Variants in MTUS2 observed in about 807,000 individuals in gnomAD.
The protein encoded by MTUS2 is microtubule-associated tumor suppressor candidate 2.
Under a neutral mutation model 114.1 loss-of-function variants are expected in MTUS2, and 40 were observed. The observed-to-expected ratio is 0.35, with a 90% CI of 0.27 to 0.46. The LOEUF is 0.46. MTUS2 is among the 20% of genes least tolerant of loss of function. The pLI, the probability that MTUS2 is intolerant of heterozygous loss-of-function variation, is 1.00. For missense variants in MTUS2, 1,679 were observed against 1,705.4 expected, an observed-to-expected ratio of 0.98 and a Z score of 0.27; for synonymous variants, 688 against 672.0, an observed-to-expected ratio of 1.02 and a Z score of -0.37.
intron 5 of MTUS2, among the ~76,000 whole-genome samples, chr13:29,111,775 T>C (rs1422110875): frequency 6.6e-6 from 1 of 152,178 alleles, no homozygotes; most frequent in Non-Finnish European, 1.5e-5. Flanking sequence ...ATATATTTTT[T>C]TTTTTGCAAG....
At chr13:29,143,385 C>T (rs762642664) in intron 5 of MTUS2, among the ~76,000 whole-genome samples, 1 of 152,112 alleles carries the variant, frequency 6.6e-6, no homozygotes, top group Non-Finnish European at 1.5e-5. Flanking sequence ...ATGTTCAGTG[C>T]TTAATACATT....
intron 5 of MTUS2, among the ~76,000 whole-genome samples, chr13:29,208,530 T>C (rs940566350): frequency 4.6e-5 from 7 of 152,118 alleles, no homozygotes; most frequent in Non-Finnish European, 1.0e-4. Flanking sequence ...GACCTCAGAC[T>C]GTCCTCTTTC....
At chr13:28,897,646 C>A (rs1327978741) in intron 2 of MTUS2, among the ~76,000 whole-genome samples, 9 of 152,054 alleles carry the variant, frequency 5.9e-5, no homozygotes, top group African/African-American at 1.2e-4. Context: ...AGACTTGGAA[C>A]CAACCCAAAT....
chr13:29,038,817 C>A lies in MTUS2; in HGVS notation c.2446+4692C>A, dbSNP rs555935628. On this transcript the variant is annotated intron_variant, in intron 4 of 15. Coordinates refer to ENST00000612955, the MANE Select transcript of MTUS2 (RefSeq NM_001033602.4). ...TGCGGTGGGCTCCGCCCAGCTCGAA[C>A]TTTCTGGTGGCTTTGTTTACACTGT... 9.8e-4 allele frequency among the ~76,000 whole-genome samples: 149 copies of A among 152,370 alleles called. 1 individual carries two copies. The highest frequency in any genetic ancestry group is 3.5e-3 in the African/African-American group (145 of 41,598).
intron 5 of MTUS2, among the ~76,000 whole-genome samples, chr13:29,147,201 G>C (rs1892473142): frequency 6.6e-6 from 1 of 151,942 alleles, no homozygotes; most frequent in Non-Finnish European, 1.5e-5. Flanking sequence ...ATATGAATGA[G>C]GTTAAATTCA....
intron 6 of MTUS2, among the ~76,000 whole-genome samples, chr13:29,282,271 T>C (rs1391236594): frequency 6.6e-6 from 1 of 152,016 alleles, no homozygotes; most frequent in East Asian, 1.9e-4. Flanking sequence ...AGTCCAGGAG[T>C]GCCATGCTCC....
intron 5 of MTUS2, among the ~76,000 whole-genome samples, chr13:29,162,497 A>G (rs1893141983): frequency 6.6e-6 from 1 of 152,168 alleles, no homozygotes; most frequent in Non-Finnish European, 1.5e-5. Context: ...ATGAATTATA[A>G]TACAATGACA....
intron 5 of MTUS2, among the ~76,000 whole-genome samples, chr13:29,193,825 A>G (rs184666454): frequency 0.025 from 3,791 of 152,154 alleles, 154 homozygotes; most frequent in African/African-American, 0.086. Context: ...GAGGCATCAC[A>G]CTACCTGACT....
At chr13:29,346,453 G>C (rs1315158302) in intron 7 of MTUS2, among the ~76,000 whole-genome samples, 4 of 151,978 alleles carry the variant, frequency 2.6e-5, no homozygotes, top group Non-Finnish European at 5.9e-5. Context: ...GGCTGCCTCT[G>C]CTGGGTCACG....
rs187042172 is a variant in MTUS2 at position 29,442,522 on chromosome 13, T to C, written c.3184+2473T>C. ...ACACTGATTTTCACTGCATACTTTT[T>C]ATCACAGCAGCAGCCAAAACCTCAG... On this transcript the variant is annotated intron_variant, in intron 9 of 15. Coordinates refer to ENST00000612955, the MANE Select transcript of MTUS2 (RefSeq NM_001033602.4). Among the ~76,000 whole-genome samples, 402 of 152,358 alleles carry C rather than the reference T, an allele frequency of 2.6e-3. 4 individuals carry two copies. Among genetic ancestry groups the C allele is most frequent in the African/African-American group, 9.2e-3 (381 of 41,580 alleles).
chr13:29,358,271 C>G (rs1480541952), intron 7 of MTUS2, among the ~76,000 whole-genome samples: 6 of 152,168 alleles, frequency 3.9e-5, no homozygotes, highest in Non-Finnish European at 5.9e-5. Flanking sequence ...ATGCACGGGT[C>G]TTGGACTGTG....
intron 2 of MTUS2, among the ~76,000 whole-genome samples, chr13:28,965,466 A>G (rs1243698947): frequency 1.3e-5 from 2 of 152,140 alleles, no homozygotes; most frequent in Non-Finnish European, 2.9e-5. Context: ...ACTGCCTGGA[A>G]GCCTCTTTGT....
chr13:29,392,146 CAA>C (rs56797889), intron 8 of MTUS2, among the ~76,000 whole-genome samples: 58,359 of 136,894 alleles, frequency 0.43, 13,272 homozygotes, highest in East Asian at 0.55. Flanking sequence ...AAAAACAAAC[CAA>C]AAAAAAAAAA....
chr13:29,390,660 A>G (rs1873367987), intron 8 of MTUS2, among the ~76,000 whole-genome samples: 1 of 150,974 alleles, frequency 6.6e-6, no homozygotes, highest in African/African-American at 2.5e-5. Flanking sequence ...TCAAAAAAAA[A>G]AAAAAGAAAG....
intron 4 of MTUS2, among the ~76,000 whole-genome samples, chr13:29,034,621 C>T (rs1179632684): frequency 3.3e-5 from 5 of 152,036 alleles, no homozygotes; most frequent in Admixed American, 3.3e-4. Flanking sequence ...ATGGAGTTGC[C>T]ACATAGAGAA....
chr13:29,017,644 A>C (rs1886122727), intron 2 of MTUS2, among the ~76,000 whole-genome samples: 1 of 152,046 alleles, frequency 6.6e-6, no homozygotes, highest in Non-Finnish European at 1.5e-5. Flanking sequence ...TCTTGGGAGG[A>C]CGTCTAACCA....
At chr13:29,269,997 A>T (rs551164686) in intron 5 of MTUS2, among the ~76,000 whole-genome samples, 1 of 152,150 alleles carries the variant, frequency 6.6e-6, no homozygotes, top group East Asian at 1.9e-4. Flanking sequence ...TGGGGTATCT[A>T]AAAAGGTCAA....
intron 13 of MTUS2, among the ~76,000 whole-genome samples, chr13:29,498,203 T>C (rs1882672878): frequency 2.0e-5 from 3 of 152,148 alleles, no homozygotes; most frequent in Admixed American, 2.0e-4. Context: ...TCTCACCTGT[T>C]CCCCCACAGA....
chr13:29,406,346 C>T (rs1331058923), intron 8 of MTUS2, among the ~76,000 whole-genome samples: 1 of 152,162 alleles, frequency 6.6e-6, no homozygotes, highest in African/African-American at 2.4e-5. Flanking sequence ...AGGCTGTTGT[C>T]AGAAGCTGCA....
Sources: allele counts gnomAD v4.1 joint callset (sites outside exome capture counted in the v4.1 genomes callset), GRCh38; gene constraint gnomAD v4.1.1; transcripts MANE v1.5; gene names NCBI Gene and HGNC (gene_info 2026-07-23, HGNC 2026-07-21).